RIGI: variants seen among roughly 807,000 people sequenced by gnomAD.
RIGI encodes RNA sensor RIG-I, also known as antiviral innate immune response receptor RIG-I.
the RIGI span, chr9:32,481,588 C>CA: frequency 2.6e-6 from 2 of 757,114 alleles, no homozygotes; most frequent in Non-Finnish European, 1.9e-6. Context: ...TTTTCTTTTT[C>CA]TTTTTTTTTT....
At chr9:32,510,475 A>G in the RIGI span, among the ~76,000 whole-genome samples, 1 of 152,248 alleles carries the variant, frequency 6.6e-6, no homozygotes, top group Non-Finnish European at 1.5e-5. Context: ...AGAATTTCAT[A>G]TACAGCCAAA....
At chr9:32,458,503 A>G in the RIGI span, among the ~76,000 whole-genome samples, 1 of 152,136 alleles carries the variant, frequency 6.6e-6, no homozygotes, top group East Asian at 1.9e-4. Context: ...CAATGAATGT[A>G]TTTGCTGCTG....
chr9:32,517,456 G>A, the RIGI span, among the ~76,000 whole-genome samples: 1 of 152,154 alleles, frequency 6.6e-6, no homozygotes, highest in African/African-American at 2.4e-5. Flanking sequence ...ATAAATAAGA[G>A]TGCTCATAAA....
At chr9:32,467,284 G>C in the RIGI span, among the ~76,000 whole-genome samples, 14 of 152,318 alleles carry the variant, frequency 9.2e-5, no homozygotes, top group Admixed American at 3.3e-4. Flanking sequence ...TTCAATACAA[G>C]GAAGTGACAC....
At chr9:32,494,438 G>T in the RIGI span, among the ~76,000 whole-genome samples, 7 of 152,058 alleles carry the variant, frequency 4.6e-5, no homozygotes, top group East Asian at 9.7e-4. Flanking sequence ...GCCTTTAAAA[G>T]ATATTTATTT....
At chr9:32,459,494 A>G in the RIGI span, 1 of 1,611,842 alleles carries the variant, frequency 6.2e-7, no homozygotes, top group Non-Finnish European at 8.5e-7. Flanking sequence ...TGAATTTTTC[A>G]TGAGTCTGTA....
chr9:32,507,368 T>C, the RIGI span, among the ~76,000 whole-genome samples: 97 of 152,298 alleles, frequency 6.4e-4, no homozygotes, highest in African/African-American at 1.9e-3. Context: ...ATGGAAAACA[T>C]AGACATTAAA....
chr9:32,485,103 C>T, the RIGI span: 11 of 1,172,030 alleles, frequency 9.4e-6, no homozygotes, highest in Admixed American at 1.1e-4. Flanking sequence ...AAGGAGAACA[C>T]AAAAAGACGA....
chr9:32,469,925 A>G, the RIGI span, among the ~76,000 whole-genome samples: 6 of 152,152 alleles, frequency 3.9e-5, no homozygotes, highest in African/African-American at 1.4e-4. Context: ...GGTAATCCAT[A>G]TTACTTTCCA....
chr9:32,480,280 G>A, the RIGI span: 5 of 1,611,534 alleles, frequency 3.1e-6, no homozygotes, highest in African/African-American at 2.7e-5. Context: ...GGACATTGCT[G>A]AAGAAGTCTT....
At chr9:32,521,162 A>AAAAAAAC in the RIGI span, among the ~76,000 whole-genome samples, 1 of 147,914 alleles carries the variant, frequency 6.8e-6, no homozygotes, top group African/African-American at 2.5e-5. Context: ...AAAAAAAAAA[A>AAAAAAAC]CTTCACAGAA....
At chr9:32,509,031 T>C in the RIGI span, among the ~76,000 whole-genome samples, 5 of 152,236 alleles carry the variant, frequency 3.3e-5, no homozygotes, top group East Asian at 5.8e-4. Flanking sequence ...AAAGCCACTA[T>C]AGCTAGACTG....
the RIGI span, chr9:32,491,297 G>C: frequency 1.2e-6 from 2 of 1,612,546 alleles, no homozygotes; most frequent in African/African-American, 1.3e-5. Context: ...ACAATACCAG[G>C]TACCTGAAGG....
the RIGI span, among the ~76,000 whole-genome samples, chr9:32,482,576 A>AT: frequency 2.6e-5 from 4 of 151,964 alleles, no homozygotes. Context: ...AAAGCAGGAG[A>AT]TTGGCCGGCC....
chr9:32,491,223 T>C, the RIGI span: 2 of 1,523,850 alleles, frequency 1.3e-6, no homozygotes, highest in Admixed American at 2.2e-5. Context: ...GGCTGTGACT[T>C]TGGGTACTGC....
At chr9:32,466,558 C>A in the RIGI span, 1 of 906,688 alleles carries the variant, frequency 1.1e-6, no homozygotes, top group East Asian at 2.6e-5. Flanking sequence ...CTGAATCCCA[C>A]TTCCCAGGAA....
At chr9:32,457,483 T>TA in the RIGI span, 24,865 of 803,372 alleles carry the variant, frequency 0.031, 1 homozygote, top group East Asian at 0.035. Flanking sequence ...AATTGTGATT[T>TA]AAAAAAAAAA....
chr9:32,465,770 A>G, the RIGI span, among the ~76,000 whole-genome samples: 3 of 152,218 alleles, frequency 2.0e-5, no homozygotes, highest in Non-Finnish European at 4.4e-5. Context: ...TGGAGAAAGT[A>G]TGGGTATGTG....
chr9:32,491,319 T>C, the RIGI span: 3 of 1,613,282 alleles, frequency 1.9e-6, no homozygotes, highest in Admixed American at 3.3e-5. Context: ...GGACATGAAT[T>C]CTCACTAAGA....
Sources: allele counts gnomAD v4.1 joint callset (sites outside exome capture counted in the v4.1 genomes callset), GRCh38; gene constraint gnomAD v4.1.1; transcripts MANE v1.5; gene names NCBI Gene and HGNC (gene_info 2026-07-23, HGNC 2026-07-21).